Variants in LYN observed in about 807,000 individuals in gnomAD.
The protein encoded by LYN is tyrosine-protein kinase Lyn.
A neutral mutation model predicts 65.0 loss-of-function variants in LYN; 12 were observed. The observed-to-expected ratio is 0.18, with a 90% CI of 0.12 to 0.30. The LOEUF (loss-of-function observed/expected upper bound fraction) is 0.30, where lower values mean the gene tolerates loss of function less well. Ranked by LOEUF, LYN falls within the 10% of genes least tolerant of loss-of-function variation. The pLI, the probability that LYN is intolerant of heterozygous loss-of-function variation, is 1.00. For missense variants in LYN, 380 were observed against 623.2 expected (o/e 0.61, Z 4.16); for synonymous variants, 222 against 221.2 (o/e 1.00, Z -0.03).
chr8:55,970,025 A>G (rs772214038), intron 10 of LYN, among the ~76,000 whole-genome samples: 4 of 152,236 alleles, frequency 2.6e-5, no homozygotes, highest in African/African-American at 4.8e-5. Flanking sequence ...CTATAAACCA[A>G]GTCAACCTCT....
intron 10 of LYN, among the ~76,000 whole-genome samples, chr8:55,981,608 T>G (rs2667982): frequency 0.32 from 49,318 of 152,026 alleles, 9,871 homozygotes; most frequent in African/African-American, 0.56. Flanking sequence ...CTCCCACCTC[T>G]GCCTCCCAAA....
At chr8:56,007,244 C>G (rs779175294) in intron 12 of LYN, among the ~76,000 whole-genome samples, 5 of 152,322 alleles carry the variant, frequency 3.3e-5, no homozygotes, top group Middle Eastern at 6.8e-3. Flanking sequence ...GTCCTCCCAC[C>G]ACGATCCCAG....
chr8:55,907,933 G>A (rs946313740), intron 1 of LYN, among the ~76,000 whole-genome samples: 4 of 152,080 alleles, frequency 2.6e-5, no homozygotes, highest in Admixed American at 2.6e-4. Flanking sequence ...ATCTAAATAA[G>A]AGACAGGGCT....
intron 1 of LYN, among the ~76,000 whole-genome samples, chr8:55,880,875 C>T (rs1488751805): frequency 6.6e-6 from 1 of 152,206 alleles, no homozygotes; most frequent in Non-Finnish European, 1.5e-5. Context: ...GCATCTTTTG[C>T]TTGCGGTGCA....
At chr8:55,898,188 G>A (rs971072076) in intron 1 of LYN, among the ~76,000 whole-genome samples, 1 of 151,950 alleles carries the variant, frequency 6.6e-6, no homozygotes, top group Non-Finnish European at 1.5e-5. Flanking sequence ...CTGCTGACCT[G>A]TTGTCTGTCC....
chr8:55,969,232 C>T (rs1807543269), intron 9 of LYN, among the ~76,000 whole-genome samples: 1 of 152,206 alleles, frequency 6.6e-6, no homozygotes, highest in Non-Finnish European at 1.5e-5. Flanking sequence ...GTAATCATGC[C>T]ACTGCGCTCC....
At chr8:55,971,875 A>G (rs543137993) in intron 10 of LYN, among the ~76,000 whole-genome samples, 2 of 152,166 alleles carry the variant, frequency 1.3e-5, no homozygotes, top group South Asian at 4.1e-4. Flanking sequence ...TACTTTCTAG[A>G]CCTTCATAGC....
intron 10 of LYN, among the ~76,000 whole-genome samples, chr8:55,985,876 A>G (rs540707832): frequency 6.6e-6 from 1 of 152,026 alleles, no homozygotes; most frequent in South Asian, 2.1e-4. Context: ...CTTTTAATAT[A>G]CTAAGGGTGA....
intron 10 of LYN, among the ~76,000 whole-genome samples, chr8:55,973,967 A>G (rs552306248): frequency 5.8e-4 from 88 of 152,350 alleles, no homozygotes; most frequent in African/African-American, 2.1e-3. Context: ...AGTTGTTGTA[A>G]TTATCATGGC....
At chr8:55,961,300 G>GT (rs1240956784) in intron 8 of LYN, among the ~76,000 whole-genome samples, 7 of 151,928 alleles carry the variant, frequency 4.6e-5, no homozygotes, top group Admixed American at 6.6e-5. Flanking sequence ...AGCTCAAAAA[G>GT]TTTTTTTTAA....
chr8:55,998,737 A>G (rs975264026), intron 11 of LYN, among the ~76,000 whole-genome samples: 9 of 152,366 alleles, frequency 5.9e-5, no homozygotes, highest in East Asian at 5.8e-4. Flanking sequence ...TTGTATTTCA[A>G]TTAAGCAATG....
chr8:55,889,775 C>T lies in LYN; in HGVS notation c.-6+9672C>T, dbSNP rs142271340. On this transcript the variant is annotated intron_variant, in intron 1 of 12. Coordinates refer to ENST00000519728, the MANE Select transcript of LYN (RefSeq NM_002350.4). ...GGCAGGGCGGTAGAGCACAGGGTGTCGAATTAATTTCATGTGGGGGCTGAA... is the reference window on the plus strand; with the variant it reads ...GGCAGGGCGGTAGAGCACAGGGTGTTGAATTAATTTCATGTGGGGGCTGAA... Among the ~76,000 whole-genome samples, 124 of 152,164 alleles carry T rather than the reference C, an allele frequency of 8.1e-4. 1 individual carries two copies. The highest frequency in any genetic ancestry group is 2.9e-3 in the African/African-American group (121 of 41,530).
chr8:55,943,872 C>T (rs1046385519), intron 2 of LYN, among the ~76,000 whole-genome samples: 5 of 152,008 alleles, frequency 3.3e-5, no homozygotes, highest in Admixed American at 1.3e-4. Flanking sequence ...CACCTGAGGT[C>T]AGGAGTTCAA....
chr8:55,953,662 CA>C (rs908577038), intron 7 of LYN, among the ~76,000 whole-genome samples, 169 bp from the exon 8 acceptor site: 1 of 151,578 alleles, frequency 6.6e-6, no homozygotes, highest in African/African-American at 2.4e-5. Context: ...AAAAGAAAAA[CA>C]AAAAAAACCC....
intron 1 of LYN, among the ~76,000 whole-genome samples, chr8:55,911,315 T>G (rs1805632772): frequency 8.1e-6 from 1 of 123,576 alleles, no homozygotes. Flanking sequence ...AGAGACAGGG[T>G]TTCACCATGC....
intron 10 of LYN, among the ~76,000 whole-genome samples, chr8:55,992,473 C>T (rs1808275981): frequency 6.6e-6 from 1 of 152,174 alleles, no homozygotes; most frequent in Non-Finnish European, 1.5e-5. Context: ...TGCCCTTTCC[C>T]TCACCCCAGC....
intron 1 of LYN, among the ~76,000 whole-genome samples, chr8:55,896,654 T>TA (rs1338721170): frequency 6.6e-6 from 1 of 151,806 alleles, no homozygotes; most frequent in Non-Finnish European, 1.5e-5. Context: ...TAGAGTATAA[T>TA]AAAAAAATTT....
chr8:55,885,898 C>T (rs4737419), intron 1 of LYN, among the ~76,000 whole-genome samples: 62,092 of 146,672 alleles, frequency 0.42, 13,056 homozygotes, highest in East Asian at 0.7. Context: ...GCGTTTTCCT[C>T]GGGGTTCTTT....
At position 55,948,411 on chromosome 8, in the gene LYN, G is replaced by A. The variant is rs150935646; in HGVS notation, c.284+688G>A. On this transcript the variant is annotated intron_variant, in intron 4 of 12. Coordinates refer to ENST00000519728, the MANE Select transcript of LYN (RefSeq NM_002350.4). ...GGTTCATGGGCCCAGCCTAGCTTGA[G>A]TTCTAAGGGTACTGAGCTACAGCAG... is the stretch of plus-strand genomic sequence containing the variant. Among the ~76,000 whole-genome samples, 247 of 152,226 alleles carry A rather than the reference G, an allele frequency of 1.6e-3. 2 individuals carry two copies. Among genetic ancestry groups the A allele is most frequent in the African/African-American group, 5.6e-3 (234 of 41,524 alleles).
Sources: gnomAD v4.1 joint callset for allele counts (sites outside exome capture counted in the v4.1 genomes callset) on GRCh38, gnomAD v4.1.1 for gene constraint, MANE v1.5 for transcripts, NCBI Gene and HGNC (gene_info 2026-07-23, HGNC 2026-07-21) for gene names.